The following RELCH variants were observed in gnomAD, a reference collection of about 807,000 sequenced individuals.
RELCH encodes the protein RAB11-binding protein RELCH.
Under a neutral mutation model 150.3 loss-of-function variants are expected in RELCH, and 41 were observed. The ratio of observed to expected loss-of-function variants is 0.27; its 90% CI spans 0.21 to 0.35. The LOEUF is 0.35. Ranked by LOEUF, RELCH falls within the 10% of genes least tolerant of loss-of-function variation. The pLI is 1.00. For missense variants in RELCH, 1,092 were observed against 1,467.8 expected, an observed-to-expected ratio of 0.74 and a Z score of 4.18; for synonymous variants, 478 against 531.8, an observed-to-expected ratio of 0.90 and a Z score of 1.39.
At chr18:62,250,012 T>C (rs2042618084) in intron 11 of RELCH, among the ~76,000 whole-genome samples, 1 of 152,130 alleles carries the variant, frequency 6.6e-6, no homozygotes, top group Non-Finnish European at 1.5e-5. Flanking sequence ...CTAGCAACCA[T>C]AATTGGTACC....
intron 18 of RELCH, among the ~76,000 whole-genome samples, chr18:62,266,087 A>G (rs1482296454): frequency 6.6e-6 from 1 of 151,882 alleles, no homozygotes; most frequent in Non-Finnish European, 1.5e-5. Flanking sequence ...TGTACTTAAC[A>G]GTAAGTGGTT....
intron 8 of RELCH, among the ~76,000 whole-genome samples, chr18:62,230,838 G>A (rs887884284): frequency 6.6e-6 from 1 of 151,928 alleles, no homozygotes; most frequent in Non-Finnish European, 1.5e-5. Context: ...ACCTTTCTGG[G>A]ACCATAGAGA....
intron 10 of RELCH, among the ~76,000 whole-genome samples, chr18:62,242,429 T>G (rs745905477): frequency 6.6e-6 from 1 of 152,222 alleles, no homozygotes; most frequent in Non-Finnish European, 1.5e-5. Context: ...TAGGCCATCT[T>G]TGCTTTCAGA....
chr18:62,194,545 A>G (rs1465122334), intron 1 of RELCH, among the ~76,000 whole-genome samples: 1 of 152,238 alleles, frequency 6.6e-6, no homozygotes, highest in East Asian at 1.9e-4. Context: ...GTACAGTTTT[A>G]AAATACTTGT....
rs371812406 is a variant in RELCH at position 62,241,607 on chromosome 18, T to A, written c.1621-3157T>A. 1.1e-4 allele frequency among the ~76,000 whole-genome samples: 17 copies of A among 152,284 alleles called. No homozygotes were observed. In the South Asian group the frequency reaches 3.5e-3, roughly 32 times the overall value. ...CTATTATTCTGATTTACATTTAGTC[T>A]TTCAAAGATATTTTTAGAACACCTT... On this transcript the variant is annotated intron_variant, in intron 10 of 28. Transcript: ENST00000644646.
intron 1 of RELCH, among the ~76,000 whole-genome samples, chr18:62,195,763 T>C (rs1805301358): frequency 1.3e-5 from 2 of 152,142 alleles, no homozygotes; most frequent in South Asian, 4.2e-4. Flanking sequence ...TGGTGCAGTC[T>C]TGGCTCACTG....
At chr18:62,253,267 TTGTG>T (rs68067609) in intron 12 of RELCH, among the ~76,000 whole-genome samples, 5,585 of 136,426 alleles carry the variant, frequency 0.041, 161 homozygotes, top group African/African-American at 0.081. Context: ...AGCAAGAAGA[TTGTG>T]TGTGTGTGTG....
chr18:62,277,310 G>A (rs758117185), intron 22 of RELCH, among the ~76,000 whole-genome samples: 2 of 152,056 alleles, frequency 1.3e-5, no homozygotes, highest in Non-Finnish European at 2.9e-5. Flanking sequence ...GGTTGTTGAT[G>A]AACTTCTGGA....
At chr18:62,260,365 A>C (rs1304396698) in intron 15 of RELCH, among the ~76,000 whole-genome samples, 3 of 143,770 alleles carry the variant, frequency 2.1e-5, no homozygotes, top group Non-Finnish European at 3.1e-5. Flanking sequence ...AATGACTATT[A>C]TTAAAAAGAC....
At chr18:62,302,850 A>G (rs1237475275) in intron 28 of RELCH, among the ~76,000 whole-genome samples, 1 of 152,178 alleles carries the variant, frequency 6.6e-6, no homozygotes, top group Non-Finnish European at 1.5e-5. Flanking sequence ...AAGAGAAGAA[A>G]AGAGATAAGT....
Position 62,243,812 on chromosome 18 carries a change from T to C in RELCH, c.1621-952T>C, listed in dbSNP as rs111892332. Among the ~76,000 whole-genome samples the C allele has an allele frequency of 7.1e-3, 1,079 of 152,232 alleles. 14 individuals are homozygous for C. Among genetic ancestry groups the C allele is most frequent in the African/African-American group, 0.025 (1,032 of 41,568 alleles). On this transcript the variant is annotated intron_variant, in intron 10 of 28. Transcript: ENST00000644646. ...TATTACAATAGTGATCAATTTCTAT[T>C]TTAAATCTCTTAACAGTTTTCGGTG...
intron 1 of RELCH, among the ~76,000 whole-genome samples, chr18:62,202,532 G>A (rs2039519780): frequency 6.6e-6 from 1 of 151,896 alleles, no homozygotes; most frequent in African/African-American, 2.4e-5. Context: ...TTTTCCTGGA[G>A]AATATGAAGT....
At chr18:62,296,353 T>C (rs1416255974) in intron 27 of RELCH, among the ~76,000 whole-genome samples, 1 of 152,168 alleles carries the variant, frequency 6.6e-6, no homozygotes, top group Non-Finnish European at 1.5e-5. Flanking sequence ...TTTGGGAGGC[T>C]GAGGCAGGCA....
At chr18:62,245,438 A>G (rs995459297) in intron 11 of RELCH, among the ~76,000 whole-genome samples, 1 of 152,166 alleles carries the variant, frequency 6.6e-6, no homozygotes, top group Non-Finnish European at 1.5e-5. Flanking sequence ...AGCCTGGTCA[A>G]CATGGTGAAA....
chr18:62,296,319 G>A (rs1225737804), intron 27 of RELCH, among the ~76,000 whole-genome samples: 1 of 152,162 alleles, frequency 6.6e-6, no homozygotes, highest in Non-Finnish European at 1.5e-5. Flanking sequence ...CAGGCGTGGT[G>A]GCCCACGCCT....
intron 1 of RELCH, among the ~76,000 whole-genome samples, chr18:62,208,433 A>G (rs2039950873): frequency 6.6e-6 from 1 of 151,584 alleles, no homozygotes; most frequent in African/African-American, 2.4e-5. Context: ...TTAGTTTCCT[A>G]TGGCTACTTT....
chr18:62,201,340 C>T (rs1736205516), intron 1 of RELCH, among the ~76,000 whole-genome samples: 1 of 151,968 alleles, frequency 6.6e-6, no homozygotes, highest in Admixed American at 6.5e-5. Context: ...TAAAGTAAGT[C>T]TGTTATTAGC....
chr18:62,222,641 C>A (rs557900245), intron 5 of RELCH, among the ~76,000 whole-genome samples: 1 of 151,858 alleles, frequency 6.6e-6, no homozygotes, highest in African/African-American at 2.4e-5. Flanking sequence ...GTCAACAATG[C>A]TCTCTCAATA....
chr18:62,305,284 C>A lies in RELCH; in HGVS notation c.3531-130C>A. On this transcript the variant is annotated intron_variant, in intron 28 of 28. Transcript: ENST00000644646. This position sits in a 1 kb window ranked among gnomAD's most constrained non-coding sequence, Gnocchi z 4.0. The stretch of plus-strand genomic sequence containing the variant: ...ACCTAGTATGGCATATACAAACTAC[C>A]CTCCATAAATATTAGTTTCCCTTTT... 3 of 692,548 alleles carry A rather than the reference C, an allele frequency of 4.3e-6. No individual in the cohort carries two copies. Among genetic ancestry groups the A allele is most frequent in the Non-Finnish European group, 4.5e-6 (2 of 441,210 alleles). 42.9% of individuals were successfully genotyped at this position (692,548 alleles called of 1,614,324 possible).
Sources: allele counts gnomAD v4.1 joint callset (sites outside exome capture counted in the v4.1 genomes callset), GRCh38; gene constraint gnomAD v4.1.1; non-coding constraint Gnocchi (gnomAD v3.1); transcripts MANE v1.5; gene names NCBI Gene and HGNC (gene_info 2026-07-23, HGNC 2026-07-21).